TMEM178B: variants seen among roughly 807,000 people sequenced by gnomAD.
The protein encoded by TMEM178B is transmembrane protein 178B.
Under a neutral mutation model 31.0 loss-of-function variants are expected in TMEM178B, and 5 were observed. The ratio of observed to expected loss-of-function variants is 0.16; its 90% CI spans 0.08 to 0.34. TMEM178B has a LOEUF of 0.34. TMEM178B is among the 10% of genes least tolerant of loss of function. The probability of loss-of-function intolerance (pLI) is 1.00; values close to 1 mark genes in which losing one functional copy is unlikely to be tolerated. For missense variants in TMEM178B, 275 were observed against 400.3 expected (o/e 0.69, Z 2.67); for synonymous variants, 164 against 164.0 (o/e 1.00, Z 0.00).
At chr7:141,113,244 A>G (rs941714095) in intron 1 of TMEM178B, among the ~76,000 whole-genome samples, 1 of 152,128 alleles carries the variant, frequency 6.6e-6, no homozygotes, top group East Asian at 1.9e-4. Flanking sequence ...TTAACAGTAG[A>G]GTCCATTTTG....
intron 2 of TMEM178B, among the ~76,000 whole-genome samples, chr7:141,335,230 C>G (rs1400687937): frequency 6.6e-6 from 1 of 152,114 alleles, no homozygotes; most frequent in Admixed American, 6.5e-5. Context: ...AGGAGATGGG[C>G]AGAGGGGATG....
intron 1 of TMEM178B, among the ~76,000 whole-genome samples, chr7:141,202,488 G>C (rs531445872): frequency 6.6e-6 from 1 of 152,106 alleles, no homozygotes; most frequent in Non-Finnish European, 1.5e-5. Context: ...TAAATATTTA[G>C]AACTCAGTCT....
At chr7:141,279,536 C>T (rs1286499375) in intron 2 of TMEM178B, among the ~76,000 whole-genome samples, 1 of 152,188 alleles carries the variant, frequency 6.6e-6, no homozygotes, top group Non-Finnish European at 1.5e-5. Context: ...ATGGGGAGAG[C>T]AAATGCTGTG....
intron 2 of TMEM178B, among the ~76,000 whole-genome samples, chr7:141,247,426 G>A (rs552581412): frequency 1.7e-4 from 26 of 152,200 alleles, no homozygotes; most frequent in Admixed American, 1.5e-3. Flanking sequence ...CCCTATCACA[G>A]TAGTCCATCC....
At chr7:141,432,828 G>A (rs560363351) in intron 2 of TMEM178B, among the ~76,000 whole-genome samples, 46 of 152,244 alleles carry the variant, frequency 3.0e-4, no homozygotes, top group South Asian at 1.9e-3. Context: ...AAATGCCTGC[G>A]GGCACTGAGT....
At chr7:141,410,158 T>C (rs1258037429) in intron 2 of TMEM178B, among the ~76,000 whole-genome samples, 1 of 152,200 alleles carries the variant, frequency 6.6e-6, no homozygotes, top group Non-Finnish European at 1.5e-5. Context: ...GGGCATGTGT[T>C]TCTATTCCGA....
chr7:141,445,413 A>G (rs1801734996), intron 3 of TMEM178B, among the ~76,000 whole-genome samples: 1 of 152,220 alleles, frequency 6.6e-6, no homozygotes. Context: ...TTATAGAACA[A>G]CATTCAGGTT....
At chr7:141,199,762 A>AT (rs950021117) in intron 1 of TMEM178B, among the ~76,000 whole-genome samples, 5 of 152,016 alleles carry the variant, frequency 3.3e-5, no homozygotes, top group African/African-American at 1.2e-4. Context: ...AATAAAAAAA[A>AT]TTTTTTTGGC....
chr7:141,469,510 G>A (rs1187284024), intron 3 of TMEM178B, among the ~76,000 whole-genome samples: 1 of 152,084 alleles, frequency 6.6e-6, no homozygotes, highest in Non-Finnish European at 1.5e-5. Flanking sequence ...ATATAAAATT[G>A]AATGCACCTC....
At chr7:141,438,251 A>G (rs1181743) in intron 3 of TMEM178B, among the ~76,000 whole-genome samples, 50,362 of 151,698 alleles carry the variant, frequency 0.33, 10,579 homozygotes, top group East Asian at 0.59. Context: ...ACCCTCTCTT[A>G]TATCTGTCTC....
At chr7:141,176,292 A>G (rs1796433039) in intron 1 of TMEM178B, among the ~76,000 whole-genome samples, 1 of 152,220 alleles carries the variant, frequency 6.6e-6, no homozygotes, top group Admixed American at 6.5e-5. Flanking sequence ...CCAGACTTGC[A>G]TCCCAGGGAT....
At chr7:141,186,362 A>G (rs1186466538) in intron 1 of TMEM178B, among the ~76,000 whole-genome samples, 1 of 152,084 alleles carries the variant, frequency 6.6e-6, no homozygotes, top group Non-Finnish European at 1.5e-5. Context: ...TGAAGTAAAG[A>G]GGGTGGATTT....
intron 2 of TMEM178B, among the ~76,000 whole-genome samples, chr7:141,265,792 T>TGTATA (rs1397327703): frequency 6.6e-6 from 1 of 152,226 alleles, no homozygotes; most frequent in Non-Finnish European, 1.5e-5. Context: ...TAAGGTAAAC[T>TGTATA]GTATAGTTTA....
At chr7:141,188,069 G>A (rs1293564069) in intron 1 of TMEM178B, among the ~76,000 whole-genome samples, 2 of 152,090 alleles carry the variant, frequency 1.3e-5, no homozygotes, top group African/African-American at 2.4e-5. Flanking sequence ...GGTTTTTATG[G>A]TTTTAGGTCT....
chr7:141,299,103 G>T (rs868225960), intron 2 of TMEM178B, among the ~76,000 whole-genome samples: 1 of 152,176 alleles, frequency 6.6e-6, no homozygotes, highest in Non-Finnish European at 1.5e-5. Context: ...AGTGGTGGTG[G>T]TGGTGGGGCT....
chr7:141,274,094 C>T (rs575342153), intron 2 of TMEM178B, among the ~76,000 whole-genome samples: 24 of 152,316 alleles, frequency 1.6e-4, no homozygotes, highest in Admixed American at 1.2e-3. Context: ...TCAAATGTCA[C>T]GTCTTTAGAG....
rs186215410 is a variant in TMEM178B at position 141,177,316 on chromosome 7, T to A, written c.383-35275T>A. ...GCACTGTGGTCTGAGAGACTGTTTG[T>A]TATGATTTCCGTTCTTTTGCGTTTG... On this transcript the variant is annotated intron_variant, in intron 1 of 3. Transcript: ENST00000565468. Among the ~76,000 whole-genome samples the A allele has an allele frequency of 3.0e-4, 45 of 152,328 alleles. 1 individual carries two copies. The highest frequency in any genetic ancestry group is 1.7e-3 in the Admixed American group (26 of 15,296).
chr7:141,458,554 G>A (rs1293900891), intron 3 of TMEM178B, among the ~76,000 whole-genome samples: 1 of 152,168 alleles, frequency 6.6e-6, no homozygotes, highest in African/African-American at 2.4e-5. Flanking sequence ...CCCCAGAGTA[G>A]CATTTACAAA....
chr7:141,497,262 A>T, the TMEM178B span, among the ~76,000 whole-genome samples: 1 of 152,196 alleles, frequency 6.6e-6, no homozygotes, highest in East Asian at 1.9e-4. Flanking sequence ...TGCTTCTAAA[A>T]TTCTATGCTG....
Sources: allele counts gnomAD v4.1 joint callset (sites outside exome capture counted in the v4.1 genomes callset), GRCh38; gene constraint gnomAD v4.1.1; transcripts MANE v1.5; gene names NCBI Gene and HGNC (gene_info 2026-07-23, HGNC 2026-07-21).